Variants in HTR7 observed in about 807,000 individuals in gnomAD.
HTR7 encodes 5-hydroxytryptamine receptor 7.
A neutral mutation model predicts 34.0 loss-of-function variants in HTR7; 16 were observed. That is an observed-to-expected ratio of 0.47 (90% CI 0.32 to 0.71). HTR7 has a LOEUF of 0.71. HTR7 is among the 30% of genes least tolerant of loss of function. The pLI, the probability that HTR7 is intolerant of heterozygous loss-of-function variation, is 0.04. For missense variants in HTR7, 504 were observed against 625.5 expected (o/e 0.81, Z 2.07); for synonymous variants, 265 against 260.2 (o/e 1.02, Z -0.18).
chr10:90,853,936 T>G (rs536956076), intron 1 of HTR7, among the ~76,000 whole-genome samples: 37 of 152,330 alleles, frequency 2.4e-4, no homozygotes, highest in Non-Finnish European at 4.7e-4. Flanking sequence ...AAAGACAACT[T>G]ATGGATACAA....
chr10:90,782,616 T>C lies in HTR7; in HGVS notation c.540-33022A>G, dbSNP rs548760112. ...AGATTCTTCCAGAGGAAAGGCATTCTGATAAATAAATAAATAAATAATTGT... is the reference window on the plus strand; with the variant it reads ...AGATTCTTCCAGAGGAAAGGCATTCCGATAAATAAATAAATAAATAATTGT... On this transcript the variant is annotated intron_variant, in intron 1 of 3. Transcript: ENST00000336152. Among the ~76,000 whole-genome samples, 4 of 151,202 alleles carry C rather than the reference T, an allele frequency of 2.6e-5. No homozygotes were observed. In the East Asian group the frequency reaches 5.8e-4, roughly 22 times the overall value.
At chr10:90,841,248 T>G (rs567140973) in intron 1 of HTR7, among the ~76,000 whole-genome samples, 12 of 152,368 alleles carry the variant, frequency 7.9e-5, no homozygotes, top group African/African-American at 2.9e-4. Context: ...GTCCACAATT[T>G]CTTAACCATA....
chr10:90,768,062 T>C (rs1307650582), intron 1 of HTR7, among the ~76,000 whole-genome samples: 2 of 152,166 alleles, frequency 1.3e-5, no homozygotes, highest in East Asian at 1.9e-4. Flanking sequence ...TGTCCAAATA[T>C]ATCATCTCCA....
chr10:90,806,127 T>G (rs1845701780), intron 1 of HTR7, among the ~76,000 whole-genome samples: 1 of 152,180 alleles, frequency 6.6e-6, no homozygotes, highest in Non-Finnish European at 1.5e-5. Flanking sequence ...TGTGGTTTTT[T>G]GCTAAAGAAA....
chr10:90,750,239 A>G (rs762825406), intron 1 of HTR7, among the ~76,000 whole-genome samples: 1 of 152,192 alleles, frequency 6.6e-6, no homozygotes, highest in Non-Finnish European at 1.5e-5. Context: ...TGTCAGAGGA[A>G]CAATCTAAGA....
At chr10:90,744,435 C>G (rs536130840) in intron 2 of HTR7, among the ~76,000 whole-genome samples, 36 of 151,968 alleles carry the variant, frequency 2.4e-4, no homozygotes, top group Non-Finnish European at 4.7e-4. Context: ...GTTATCCACA[C>G]AGTGCTACTG....
intron 1 of HTR7, among the ~76,000 whole-genome samples, chr10:90,806,372 G>A (rs1241025906): frequency 6.6e-6 from 1 of 152,160 alleles, no homozygotes; most frequent in Non-Finnish European, 1.5e-5. Flanking sequence ...GCTGAGGTGG[G>A]CGGATCACGA....
Position 90,857,480 on chromosome 10 carries a change from CGGGGGCGCGTCCCA to C in HTR7, c.178_191del (p.Trp60GlyfsTer92). ...GTTCCCCACAGCCGGAGGCATTGTCCGGGGGCGCGTCCCAGGTGGGCGCCGGGCTGGCTGTCACC... is the reference window on the plus strand; with the variant it reads ...GTTCCCCACAGCCGGAGGCATTGTCCGGTGGGCGCCGGGCTGGCTGTCACC... On this transcript the variant is annotated frameshift_variant, in exon 1 of 4. Transcript: ENST00000336152. LOFTEE classifies it high-confidence loss of function. The surrounding 1 kb of genome is among the most constrained non-coding windows in gnomAD (Gnocchi z 6.5). 2 of 1,613,546 alleles carry C rather than the reference CGGGGGCGCGTCCCA, an allele frequency of 1.2e-6. No homozygotes were observed. The highest frequency in any genetic ancestry group is 1.7e-6 in the Non-Finnish European group (2 of 1,179,982).
At chr10:90,851,847 T>G (rs529464882) in intron 1 of HTR7, among the ~76,000 whole-genome samples, 1 of 152,238 alleles carries the variant, frequency 6.6e-6, no homozygotes, top group South Asian at 2.1e-4. Context: ...TCTCACAAGA[T>G]CTGATGGTTT....
chr10:90,797,075 C>T (rs1478263831), intron 1 of HTR7, among the ~76,000 whole-genome samples: 1 of 151,488 alleles, frequency 6.6e-6, no homozygotes, highest in African/African-American at 2.4e-5. Flanking sequence ...TAATCACAAA[C>T]ATCAAGTACT....
At chr10:90,855,538 C>T (rs1278213523) in intron 1 of HTR7, among the ~76,000 whole-genome samples, 3 of 152,228 alleles carry the variant, frequency 2.0e-5, no homozygotes, top group African/African-American at 7.2e-5. Flanking sequence ...TTTAAAAGGA[C>T]TCCATTCATG....
rs1255777791 is a variant in HTR7 at position 90,857,032 on chromosome 10, C to T, written c.539+101G>A. 2 of 1,144,106 alleles carry T rather than the reference C, an allele frequency of 1.7e-6. No homozygotes were observed. Among genetic ancestry groups the T allele is most frequent in the Non-Finnish European group, 2.4e-6 (2 of 818,964 alleles). 70.9% of individuals were successfully genotyped at this position (1,144,106 alleles called of 1,614,324 possible). A position where few individuals can be genotyped will look rare whatever the true frequency, so the allele number is the denominator to read the frequency against. ...TTTTAAGCGCAGCCCTTCATCCCGC[C>T]TTGAAGTCTAGCTTGATCCTCCCAG... On this transcript the variant is annotated intron_variant, in intron 1 of 3. Coordinates refer to ENST00000336152, the MANE Select transcript of HTR7 (RefSeq NM_019859.4). The surrounding 1 kb of genome is among the most constrained non-coding windows in gnomAD (Gnocchi z 6.5).
intron 1 of HTR7, among the ~76,000 whole-genome samples, chr10:90,843,433 A>G (rs1198761378): frequency 6.6e-6 from 1 of 152,248 alleles, no homozygotes; most frequent in Non-Finnish European, 1.5e-5. Flanking sequence ...ACTGTTTAAG[A>G]TAGTCAGGGG....
intron 1 of HTR7, among the ~76,000 whole-genome samples, chr10:90,771,935 A>G (rs572677311): frequency 9.9e-5 from 15 of 152,230 alleles, no homozygotes; most frequent in Non-Finnish European, 1.5e-4. Context: ...AAATAGAGGG[A>G]AAAAAAAGTA....
At chr10:90,804,757 T>TA (rs1564688042) in intron 1 of HTR7, among the ~76,000 whole-genome samples, 1 of 152,250 alleles carries the variant, frequency 6.6e-6, no homozygotes, top group Non-Finnish European at 1.5e-5. Flanking sequence ...AATTTTTTTT[T>TA]AAAAGAGCTT....
At chr10:90,787,883 C>T (rs76416030) in intron 1 of HTR7, among the ~76,000 whole-genome samples, 2,617 of 151,882 alleles carry the variant, frequency 0.017, 86 homozygotes, top group African/African-American at 0.058. Context: ...TGACCTCTTC[C>T]GCTTGCTCCC....
intron 1 of HTR7, among the ~76,000 whole-genome samples, chr10:90,771,911 T>C (rs1845119373): frequency 6.6e-6 from 1 of 151,410 alleles, no homozygotes; most frequent in Non-Finnish European, 1.5e-5. Context: ...AAATGAGAGA[T>C]TAAAAGGGAA....
At chr10:90,852,367 CAAT>C (rs1846514787) in intron 1 of HTR7, among the ~76,000 whole-genome samples, 1 of 151,904 alleles carries the variant, frequency 6.6e-6, no homozygotes, top group African/African-American at 2.4e-5. Context: ...ACTGTTACAA[CAAT>C]AAAAATAATA....
chr10:90,827,435 G>A (rs1564695827), intron 1 of HTR7, among the ~76,000 whole-genome samples: 1 of 151,928 alleles, frequency 6.6e-6, no homozygotes, highest in Non-Finnish European at 1.5e-5. Context: ...GTGGCTGAAT[G>A]GATTTTTAAA....
Sources: allele counts gnomAD v4.1 joint callset (sites outside exome capture counted in the v4.1 genomes callset), GRCh38; gene constraint gnomAD v4.1.1; non-coding constraint Gnocchi (gnomAD v3.1); transcripts MANE v1.5; gene names NCBI Gene and HGNC (gene_info 2026-07-23, HGNC 2026-07-21).